SBF1: variants seen among roughly 807,000 people sequenced by gnomAD.
SBF1 encodes SET binding factor 1, also known as myotubularin-related protein 5.
A neutral mutation model predicts 215.8 loss-of-function variants in SBF1; 65 were observed. The ratio of observed to expected loss-of-function variants is 0.30; its 90% CI spans 0.25 to 0.37. The LOEUF (loss-of-function observed/expected upper bound fraction) is 0.37, where lower values mean the gene tolerates loss of function less well. Ranked by LOEUF, SBF1 falls within the 10% of genes least tolerant of loss-of-function variation. The pLI is 1.00. For missense variants in SBF1, 2,634 were observed against 2,667.8 expected, an observed-to-expected ratio of 0.99 and a Z score of 0.28; for synonymous variants, 1,410 against 1,122.8, an observed-to-expected ratio of 1.26 and a Z score of -5.11.
chr22:50,450,065 T>C (rs1373542684), intron 36 of SBF1, among the ~76,000 whole-genome samples: 6 of 152,186 alleles, frequency 3.9e-5, no homozygotes, highest in Non-Finnish European at 8.8e-5. Context: ...CCAGGGGCGC[T>C]AGTGCAGCTG....
At chr22:50,455,765 G>A (rs775966328) in intron 31 of SBF1, 183 bp from the exon 32 acceptor site, 6 of 614,664 alleles carry the variant, frequency 9.8e-6, no homozygotes, top group South Asian at 7.7e-5. Context: ...GCCGACCACC[G>A]CCTCCAGCCT....
chr22:50,474,765 G>A (rs771925120), intron 1 of SBF1, 21 bp downstream of exon 1: 2 of 1,461,744 alleles, frequency 1.4e-6, no homozygotes, highest in East Asian at 6.2e-5. Flanking sequence ...CCGGCCCTCA[G>A]CGCTTGGCCT....
In SBF1 at chr22:50,448,536, C is replaced by A; in HGVS notation, c.5151+7G>T. 6.2e-7 allele frequency: 1 copy of A among 1,611,774 alleles called. No homozygotes were observed. Among genetic ancestry groups the A allele is most frequent in the South Asian group, 1.1e-5 (1 of 91,012 alleles). On this transcript the variant is annotated splice_region_variant and intron_variant, in intron 37 of 40. Coordinates refer to ENST00000380817, the MANE Select transcript of SBF1 (RefSeq NM_002972.4). ...CACCGTGGACGCTCACACTGGCCCT[C>A]ACTCACACGGCCGTCTGGCCGGCCC...
chr22:50,463,000 C>A, intron 16 of SBF1, 62 bp from the exon 17 acceptor site: 1 of 1,480,716 alleles, frequency 6.8e-7, no homozygotes, highest in South Asian at 1.2e-5. Flanking sequence ...CACCTCCCAC[C>A]ATGCCCCCAC....
intron 26 of SBF1, 36 bp downstream of exon 26, chr22:50,459,916 T>G (rs766404523): frequency 6.2e-7 from 1 of 1,607,166 alleles, no homozygotes; most frequent in African/African-American, 1.3e-5. Flanking sequence ...CCCAGTCACG[T>G]GTCCACCACC....
At position 50,456,670 on chromosome 22, in the gene SBF1, T is replaced by C. The variant is rs1389056354; in HGVS notation, c.3908A>G (p.Lys1303Arg). 4 of 1,472,956 alleles carry C rather than the reference T, an allele frequency of 2.7e-6. No homozygotes were observed. Among genetic ancestry groups the C allele is most frequent in the East Asian group, 4.9e-5 (2 of 41,074 alleles). 91.2% of individuals were successfully genotyped at this position (1,472,956 alleles called of 1,614,324 possible). A position where few individuals can be genotyped will look rare whatever the true frequency, so the allele number is the denominator to read the frequency against. Reference protein sequence around the residue: ...SASRRTAPRGKWGSVRTSGRS... With the variant: ...SASRRTAPRGRWGSVRTSGRS... ...TCCACTGGTCCGGACACTGCCCCAC[T>C]TACCTGTGAAGGAGATGCCAGGTAA... The change falls in exon 30 of 41, where the codon AAG (lysine) becomes AGG (arginine). Residue 1303 changes from lysine to arginine, a missense_variant. Physicochemically the swap from Lys to Arg is conservative, Grantham distance 26. Transcript: ENST00000380817.
chr22:50,446,992 G>GA lies in SBF1; in HGVS notation c.*149_*150insT. 3 of 756,570 alleles carry GA rather than the reference G, an allele frequency of 4.0e-6. No homozygotes were observed. In the South Asian group the frequency reaches 4.6e-5, roughly 12 times the overall value. The allele number at this position is 756,570 out of a possible 1,614,324, so 46.9% of individuals were successfully genotyped here. A position where few individuals can be genotyped will look rare whatever the true frequency, so the allele number is the denominator to read the frequency against. ...GTTAGGGCCGGCCGGGCGGGGCGGGGCGGGGACGGGGGCTGTACACACAAG... is the reference window on the plus strand; with the variant it reads ...GTTAGGGCCGGCCGGGCGGGGCGGGGACGGGGACGGGGGCTGTACACACAAG... On this transcript the variant is annotated 3_prime_UTR_variant, in exon 41 of 41. Transcript: ENST00000380817.
rs35742256 is a variant in SBF1 at position 50,458,304 on chromosome 22, C to CAA, written c.3826+949_3826+950dup. Among the ~76,000 whole-genome samples, 554 of 82,408 alleles carry CAA rather than the reference C, an allele frequency of 6.7e-3. 6 individuals carry two copies. Among genetic ancestry groups the CAA allele is most frequent in the African/African-American group, 0.022 (384 of 17,348 alleles). 54.1% of individuals were successfully genotyped at this position (82,408 alleles called of 152,430 possible). On this transcript the variant is annotated intron_variant, in intron 28 of 40. Transcript: ENST00000380817. ...TGGGTGACAGAGAAAGACTCCGACT[C>CAA]AAAAAAAAAAAAAAAAAAAGGTCAG...
Position 50,462,488 on chromosome 22 carries a change from C to A in SBF1, c.2128-15G>T. On this transcript the variant is annotated splice_polypyrimidine_tract_variant and intron_variant, in intron 18 of 40. Transcript: ENST00000380817. ...TCCCCAACCTCCTGCCACGGCACCA[C>A]ACGCATGAGCCGGGGCCACGCTGCC... The A allele has an allele frequency of 6.2e-7, 1 of 1,612,806 alleles. No individual in the cohort carries two copies. The highest frequency in any genetic ancestry group is 8.5e-7 in the Non-Finnish European group (1 of 1,179,658).
intron 28 of SBF1, 93 bp from the exon 29 acceptor site, chr22:50,457,204 C>A: frequency 2.9e-6 from 3 of 1,050,908 alleles, no homozygotes; most frequent in Non-Finnish European, 3.9e-6. Flanking sequence ...TTCCACCAAG[C>A]CCCCAGGGAG....
rs751143644 is a variant in SBF1 at position 50,460,373 on chromosome 22, T to G, written c.3182A>C (p.Lys1061Thr). Residue 1061 changes from lysine (K) to threonine (T), a missense_variant, in exon 25 of 41, where the codon AAG becomes ACG. Physicochemically the swap from Lys to Thr is moderately conservative, Grantham distance 78. Coordinates refer to ENST00000380817, the MANE Select transcript of SBF1 (RefSeq NM_002972.4). ...AGTGACATGCTGCCGCCCGATGGTC[T>G]TCTTGGCGTTCTTGACCAGGTTCCG... ...LSRNLVKNAK[K>T]TIGRQHVTRK... 1.9e-6 allele frequency: 3 copies of G among 1,613,030 alleles called. No individual in the cohort carries two copies. Among genetic ancestry groups the G allele is most frequent in the African/African-American group, 1.3e-5 (1 of 74,906 alleles).
In SBF1 at chr22:50,462,365, C is replaced by A; in HGVS notation, c.2236G>T (p.Val746Leu). ...AACACCGTGCTCTCCTCCTTCTGCACCAGCTCCTGCTGCTTCTCACGACTC... is the reference window on the plus strand; with the variant it reads ...AACACCGTGCTCTCCTCCTTCTGCAACAGCTCCTGCTGCTTCTCACGACTC... The part of the protein sequence containing the change: ...TLSREKQQEL[V>L]QKEESTVFSQ... The change falls in exon 19 of 41, where the codon GTG becomes TTG. Residue 746 changes from valine to leucine, a missense_variant. Coordinates refer to ENST00000380817, the MANE Select transcript of SBF1 (RefSeq NM_002972.4). 6 of 1,614,170 alleles carry A rather than the reference C, an allele frequency of 3.7e-6. No homozygotes were observed. The highest frequency in any genetic ancestry group is 5.1e-6 in the Non-Finnish European group (6 of 1,180,022).
chr22:50,474,696 G>GC (rs1396853229), intron 1 of SBF1, 90 bp downstream of exon 1: 12 of 854,038 alleles, frequency 1.4e-5, no homozygotes, highest in Non-Finnish European at 2.0e-5. Flanking sequence ...TCGGCCCCCA[G>GC]CCCCCGGCCC....
At chr22:50,469,751 C>T (rs1458928749) in intron 1 of SBF1, among the ~76,000 whole-genome samples, 6 of 152,024 alleles carry the variant, frequency 3.9e-5, no homozygotes, top group Admixed American at 2.0e-4. Flanking sequence ...CCCCCCACCC[C>T]GGCCCCCAAG....
chr22:50,461,120 G>A (rs969884747), intron 23 of SBF1, 39 bp downstream of exon 23: 2 of 1,560,714 alleles, frequency 1.3e-6, no homozygotes, highest in Non-Finnish European at 1.7e-6. Context: ...GAAAGACCAG[G>A]GCGGGGGATG....
rs2148586103 is a variant in SBF1 at position 50,460,563 on chromosome 22, T to G, written c.3117A>C (p.Arg1039=). 6.2e-7 allele frequency: 1 copy of G among 1,614,060 alleles called. No individual in the cohort carries two copies. The highest frequency in any genetic ancestry group is 1.1e-5 in the South Asian group (1 of 91,080). The change falls in exon 24 of 41, where the codon CGA becomes CGC. Residue 1039 remains arginine (R), a synonymous_variant. Coordinates refer to ENST00000380817, the MANE Select transcript of SBF1 (RefSeq NM_002972.4). ...GGGAAGGACCCTTGTCCTTGGTGAC[T>G]CGCGGTGGCCGGCCAGGTGTGTGGG... ...GSAHTPGRPP[R]VTKDKGPSLR...
rs567594375 is a variant in SBF1 at position 50,446,759 on chromosome 22, G to A, written c.*383C>T. ...AGGGGCAGATGGGACCCTCTGGGTA[G>A]GCCGAGAGCAGGCAGCCGGGGAGTG... On this transcript the variant is annotated 3_prime_UTR_variant, in exon 41 of 41. Transcript: ENST00000380817. The A allele has an allele frequency of 4.2e-4, 220 of 523,490 alleles. 1 individual carries two copies. The highest frequency in any genetic ancestry group is 6.8e-4 in the Non-Finnish European group (184 of 269,484). The allele number at this position is 523,490 out of a possible 1,614,324, so 32.4% of individuals were successfully genotyped here.
intron 36 of SBF1, among the ~76,000 whole-genome samples, chr22:50,453,046 A>G (rs1008178186): frequency 1.3e-5 from 2 of 152,220 alleles, no homozygotes; most frequent in Non-Finnish European, 2.9e-5. Flanking sequence ...ACAGACTTAA[A>G]CCCAGCCACA....
At chr22:50,458,164 G>A (rs1287272315) in intron 28 of SBF1, among the ~76,000 whole-genome samples, 2 of 152,176 alleles carry the variant, frequency 1.3e-5, no homozygotes, top group African/African-American at 4.8e-5. Context: ...AATCAGCCGG[G>A]CGCGGTGGCG....
Sources: gnomAD v4.1 joint callset for allele counts (sites outside exome capture counted in the v4.1 genomes callset) on GRCh38, gnomAD v4.1.1 for gene constraint, MANE v1.5 for transcripts, NCBI Gene and HGNC (gene_info 2026-07-23, HGNC 2026-07-21) for gene names.